Variants in CEP85L observed in about 807,000 individuals in gnomAD.
The protein encoded by CEP85L is centrosomal protein 85L, also known as centrosomal protein of 85 kDa-like.
A neutral mutation model predicts 100.3 loss-of-function variants in CEP85L; 60 were observed. The ratio of observed to expected loss-of-function variants is 0.60; its 90% confidence interval spans 0.49 to 0.74. CEP85L has a LOEUF of 0.74. Ranked by LOEUF, CEP85L falls within the 30% of genes least tolerant of loss-of-function variation. The pLI is 0.00. For synonymous variants in CEP85L, 319 were observed against 322.7 expected (o/e 0.99, Z 0.12); for missense variants, 973 against 936.2 (o/e 1.04, Z -0.51).
At chr6:118,561,046 C>T (rs182488418) in intron 3 of CEP85L, among the ~76,000 whole-genome samples, 6 of 152,092 alleles carry the variant, frequency 3.9e-5, no homozygotes, top group Admixed American at 3.3e-4. Context: ...GTTGCTAACT[C>T]AATAGTGAAG....
At chr6:118,578,959 G>C (rs1444576637) in intron 2 of CEP85L, among the ~76,000 whole-genome samples, 1 of 152,010 alleles carries the variant, frequency 6.6e-6, no homozygotes, top group African/African-American at 2.4e-5. Flanking sequence ...GCAATGGTGT[G>C]ATCTTGGCTC....
At chr6:118,594,326 T>C (rs1781350651) in intron 2 of CEP85L, among the ~76,000 whole-genome samples, 4 of 152,154 alleles carry the variant, frequency 2.6e-5, no homozygotes, top group Admixed American at 2.6e-4. Flanking sequence ...ACCTCAAAAT[T>C]TATAGTATTC....
At chr6:118,486,479 T>C (rs1343738891) in intron 6 of CEP85L, among the ~76,000 whole-genome samples, 1 of 152,224 alleles carries the variant, frequency 6.6e-6, no homozygotes, top group East Asian at 1.9e-4. Flanking sequence ...TATTACCACA[T>C]TGTTTTTTCT....
intron 1 of CEP85L, among the ~76,000 whole-genome samples, chr6:118,688,026 G>A (rs968796134): frequency 6.6e-6 from 1 of 152,088 alleles, no homozygotes; most frequent in African/African-American, 2.4e-5. Context: ...CTTGGAATCC[G>A]TGAGGCCAAG....
intron 2 of CEP85L, among the ~76,000 whole-genome samples, chr6:118,629,654 G>C (rs1252579945): frequency 6.6e-6 from 1 of 152,090 alleles, no homozygotes; most frequent in Non-Finnish European, 1.5e-5. Flanking sequence ...TAAATATATA[G>C]AAAACTAAAT....
Position 118,483,837 on chromosome 6 carries a change from T to C in CEP85L, c.1459A>G (p.Ile487Val). Residue 487 changes from isoleucine to valine, a missense_variant, in exon 7 of 13, where the codon ATC becomes GTC. By Grantham distance (29) the Ile-to-Val change is conservative. This residue lies in a region of CEP85L where 890 missense variants were observed against 844.5 expected (regional missense o/e 1.05). Coordinates refer to ENST00000368491, the MANE Select transcript of CEP85L (RefSeq NM_001042475.3). ...EEKLKTRDRY[I>V]SSLKKKCQKE... Reference sequence around the variant, plus strand: ...TGGCATTTCTTTTTCAGACTACTGATGTATCGATCTCTAGTTTTAAGCTAA... The same window carrying C: ...TGGCATTTCTTTTTCAGACTACTGACGTATCGATCTCTAGTTTTAAGCTAA... 6.2e-7 allele frequency: 1 copy of C among 1,613,432 alleles called. No homozygotes were observed. Among genetic ancestry groups the C allele is most frequent in the Middle Eastern group, 1.7e-4 (1 of 6,054 alleles).
Position 118,542,074 on chromosome 6 carries a change from A to C in CEP85L, c.1021-18154T>G, listed in dbSNP as rs550417104. 6.6e-5 allele frequency among the ~76,000 whole-genome samples: 10 copies of C among 152,312 alleles called. No homozygotes were observed. The South Asian group carries it at 2.1e-3, about 32-fold the overall frequency. On this transcript the variant is annotated intron_variant, in intron 3 of 12. Coordinates refer to ENST00000368491, the MANE Select transcript of CEP85L (RefSeq NM_001042475.3). ...GATTTATTTACATAGATGGAATCAC[A>C]GTGTTGTTTTTTAAGGTTTATAATG... is the stretch of plus-strand genomic sequence containing the variant.
intron 2 of CEP85L, among the ~76,000 whole-genome samples, chr6:118,570,872 C>T (rs1779846249): frequency 6.6e-6 from 1 of 151,940 alleles, no homozygotes; most frequent in South Asian, 2.1e-4. Flanking sequence ...TCATTACTGT[C>T]AAAACTAAGG....
upstream of CEP85L, among the ~76,000 whole-genome samples, chr6:118,652,985 T>C (rs948547591): frequency 6.6e-6 from 1 of 152,226 alleles, no homozygotes; most frequent in Non-Finnish European, 1.5e-5. Context: ...TCATGCTTTG[T>C]AGTTACCACA....
intron 1 of CEP85L, among the ~76,000 whole-genome samples, chr6:118,661,876 A>G (rs1316284029): frequency 6.6e-6 from 1 of 152,200 alleles, no homozygotes; most frequent in Non-Finnish European, 1.5e-5. Context: ...TAAACCAATG[A>G]CGTTGTATCA....
rs778456413 is a variant in CEP85L at position 118,481,841 on chromosome 6, A to G, written c.1683T>C (p.Asp561=). 2 of 1,599,034 alleles carry G rather than the reference A, an allele frequency of 1.3e-6. No individual in the cohort carries two copies. The highest frequency in any genetic ancestry group is 1.7e-6 in the Non-Finnish European group (2 of 1,171,378). The change falls in exon 8 of 13, where the codon GAT becomes GAC. Residue 561 remains aspartate, a synonymous_variant. Transcript: ENST00000368491. The stretch of plus-strand genomic sequence containing the variant: ...TCTGGCATATTAACTGTGTCTCTTT[A>G]TCTTGACACTGCTTTTTGATCTCTT... ...KLEEIKKQCQ[D]KETQLICQKK... is the part of the protein sequence containing the mutation.
At chr6:118,505,858 G>A (rs977308672) in intron 5 of CEP85L, among the ~76,000 whole-genome samples, 13 of 152,106 alleles carry the variant, frequency 8.5e-5, no homozygotes, top group African/African-American at 3.1e-4. Flanking sequence ...CACAACACCA[G>A]GAGTGATCCT....
chr6:118,475,584 A>C (rs1419011630), intron 10 of CEP85L, among the ~76,000 whole-genome samples: 1 of 151,806 alleles, frequency 6.6e-6, no homozygotes, highest in African/African-American at 2.4e-5. Flanking sequence ...TCGATCTCCT[A>C]ACCTCATGAT....
At chr6:118,605,170 C>CA (rs905841608) in intron 2 of CEP85L, among the ~76,000 whole-genome samples, 1 of 152,128 alleles carries the variant, frequency 6.6e-6, no homozygotes, top group Non-Finnish European at 1.5e-5. Context: ...GACAGATCCC[C>CA]AAAATTAAGG....
chr6:118,688,850 C>G (rs768752859), intron 1 of CEP85L, among the ~76,000 whole-genome samples: 4 of 151,678 alleles, frequency 2.6e-5, no homozygotes, highest in Non-Finnish European at 4.4e-5. Flanking sequence ...ATTTTTCTGC[C>G]TTGGGCCTCT....
At chr6:118,509,314 T>A (rs1775835443) in intron 5 of CEP85L, among the ~76,000 whole-genome samples, 1 of 152,030 alleles carries the variant, frequency 6.6e-6, no homozygotes, top group South Asian at 2.1e-4. Context: ...GACAGAATGT[T>A]AAAGAGAAAT....
chr6:118,600,300 G>GGGGGGGGGTGT (rs1562297733), intron 2 of CEP85L, among the ~76,000 whole-genome samples: 2 of 52,246 alleles, frequency 3.8e-5, no homozygotes, highest in South Asian at 7.0e-4. Flanking sequence ...CCTTCCTGGG[G>GGGGGGGGGTGT]GTGTGTGTGT....
rs146275351 is a variant in CEP85L at position 118,578,601 on chromosome 6, C to T, written c.233-12285G>A. Among the ~76,000 whole-genome samples, 1,510 of 152,042 alleles carry T rather than the reference C, an allele frequency of 9.9e-3. 35 individuals carry two copies. Among genetic ancestry groups the T allele is most frequent in the African/African-American group, 0.034 (1,391 of 41,476 alleles). On this transcript the variant is annotated intron_variant, in intron 2 of 12. Transcript: ENST00000368491. The stretch of plus-strand genomic sequence containing the variant: ...AAAATTAGCTGGGCGTGGTGGTGGG[C>T]GCCTGTAATCCCAGCTACTCAGGAG...
At chr6:118,677,515 A>G (rs1776519504) in intron 1 of CEP85L, among the ~76,000 whole-genome samples, 1 of 152,166 alleles carries the variant, frequency 6.6e-6, no homozygotes, top group African/African-American at 2.4e-5. Flanking sequence ...GTATTTAACT[A>G]CTACAGATTC....
Sources: gnomAD v4.1 joint callset for allele counts (sites outside exome capture counted in the v4.1 genomes callset) on GRCh38, gnomAD v4.1.1 for gene constraint, gnomAD v4.1.1 regional missense constraint, MANE v1.5 for transcripts, NCBI Gene and HGNC (gene_info 2026-07-23, HGNC 2026-07-21) for gene names.